KANK1: variants seen among roughly 807,000 people sequenced by gnomAD.
KANK1 encodes KN motif and ankyrin repeat domain-containing protein 1.
KANK1 carries 109 observed loss-of-function variants against 106.2 expected under a neutral mutation model. That is an observed-to-expected ratio of 1.03 (90% CI 0.88 to 1.20). KANK1 has a LOEUF of 1.20. Among genes scored for constraint, KANK1 ranks in the 50% most tolerant of loss-of-function variants. The pLI, the probability that KANK1 is intolerant of heterozygous loss-of-function variation, is 0.00. For synonymous variants in KANK1, 873 were observed against 652.2 expected (o/e 1.34, Z -5.16); for missense variants, 2,399 against 1,710.7 (o/e 1.40, Z -7.10).
At chr9:706,062 T>C (rs1824069392) in intron 2 of KANK1, among the ~76,000 whole-genome samples, 1 of 152,138 alleles carries the variant, frequency 6.6e-6, no homozygotes, top group South Asian at 2.1e-4. Context: ...GAAAACAGGA[T>C]ATTAAAAAAA....
At chr9:517,304 A>G (rs529187860) in intron 1 of KANK1, among the ~76,000 whole-genome samples, 3 of 151,668 alleles carry the variant, frequency 2.0e-5, no homozygotes, top group East Asian at 1.9e-4. Context: ...GGGTTTCACC[A>G]TGTTGGCCAG....
intron 1 of KANK1, among the ~76,000 whole-genome samples, chr9:646,772 C>G (rs1324045752): frequency 6.7e-6 from 1 of 149,966 alleles, no homozygotes; most frequent in African/African-American, 2.5e-5. Flanking sequence ...TCACTGCAAT[C>G]TCCGCCTCCC....
At chr9:606,161 AC>A (rs1829066127) in intron 1 of KANK1, among the ~76,000 whole-genome samples, 1 of 150,954 alleles carries the variant, frequency 6.6e-6, no homozygotes, top group African/African-American at 2.5e-5. Context: ...ACACACACAC[AC>A]ACACACACAC....
chr9:476,243 G>A (rs557145799), intron 3 of KANK1, among the ~76,000 whole-genome samples: 2 of 152,130 alleles, frequency 1.3e-5, no homozygotes, highest in African/African-American at 2.4e-5. Context: ...GTGTTAGGCC[G>A]GGCGTGGTGG....
At chr9:501,600 C>G (rs10815120), upstream of KANK1, among the ~76,000 whole-genome samples, 27,729 of 148,272 alleles carry the variant, frequency 0.19, 5,576 homozygotes, top group African/African-American at 0.52. Context: ...AGGTATTCGC[C>G]CACGCACAGA....
At chr9:732,260 G>C (rs1832506379) in intron 5 of KANK1, 118 bp from the exon 6 acceptor site, 1 of 1,239,378 alleles carries the variant, frequency 8.1e-7, no homozygotes, top group Non-Finnish European at 1.1e-6. Flanking sequence ...CTAAGTGCAG[G>C]ATCTAAAACC....
At chr9:661,695 A>G (rs71488145) in intron 1 of KANK1, among the ~76,000 whole-genome samples, 127,241 of 151,790 alleles carry the variant, frequency 0.84, 53,472 homozygotes, top group East Asian at 0.97. Flanking sequence ...TTGAGGAATC[A>G]CCACACTGTC....
At chr9:537,177 C>G (rs141785708) in intron 1 of KANK1, among the ~76,000 whole-genome samples, 1,796 of 152,248 alleles carry the variant, frequency 0.012, 24 homozygotes, top group Non-Finnish European at 0.016. Flanking sequence ...AACTCTTTTT[C>G]CTTTGAAAAC....
chr9:711,571 A>C lies in KANK1; in HGVS notation c.805A>C (p.Ile269Leu), dbSNP rs1246104864. 1 of 1,614,070 alleles carries C rather than the reference A, an allele frequency of 6.2e-7. No individual in the cohort carries two copies. The highest frequency in any genetic ancestry group is 8.5e-7 in the Non-Finnish European group (1 of 1,179,976). The change falls in exon 3 of 12, where the codon ATT (isoleucine) becomes CTT (leucine). Residue 269 changes from isoleucine to leucine, a missense_variant. By Grantham distance (5) the Ile-to-Leu change is conservative. Transcript: ENST00000382297. ...HLQHIREQMA[I>L]ALKRLKELEE... ...GCAGCACATCCGCGAGCAGATGGCCATTGCTCTGAAACGCCTGAAGGAGCT... is the reference window on the plus strand; with the variant it reads ...GCAGCACATCCGCGAGCAGATGGCCCTTGCTCTGAAACGCCTGAAGGAGCT...
chr9:539,261 A>G (rs1363249235), intron 1 of KANK1, among the ~76,000 whole-genome samples: 4 of 152,188 alleles, frequency 2.6e-5, no homozygotes, highest in Admixed American at 2.6e-4. Flanking sequence ...GTAGTTCCAT[A>G]CAATATTTTT....
At chr9:735,757 G>A in intron 7 of KANK1, 1 of 436,940 alleles carries the variant, frequency 2.3e-6, no homozygotes. Flanking sequence ...ACTTCGGGAG[G>A]CCGATGCAGG....
At chr9:598,596 T>A (rs1485103183) in intron 1 of KANK1, among the ~76,000 whole-genome samples, 1 of 149,968 alleles carries the variant, frequency 6.7e-6, no homozygotes, top group Non-Finnish European at 1.5e-5. Flanking sequence ...TTCCTAGGTT[T>A]TTTTGTTTTG....
At chr9:724,605 C>T (rs1012572314) in intron 3 of KANK1, among the ~76,000 whole-genome samples, 1 of 152,150 alleles carries the variant, frequency 6.6e-6, no homozygotes, top group East Asian at 1.9e-4. Flanking sequence ...AGTTCGTGAC[C>T]AGCCTAGCCA....
chr9:499,729 C>A (rs2058518303), upstream of KANK1, among the ~76,000 whole-genome samples: 1 of 152,162 alleles, frequency 6.6e-6, no homozygotes, highest in African/African-American at 2.4e-5. Flanking sequence ...TTGGTTAAAA[C>A]TGAGAATTAC....
upstream of KANK1, among the ~76,000 whole-genome samples, chr9:503,001 ATTTTTTT>A (rs35195436): frequency 0.014 from 953 of 70,256 alleles, 13 homozygotes; most frequent in African/African-American, 0.04. Flanking sequence ...CGCCCAGCTG[ATTTTTTT>A]TTTTTTTTTT....
At chr9:682,225 T>A (rs9299036) in intron 2 of KANK1, among the ~76,000 whole-genome samples, 44,955 of 150,542 alleles carry the variant, frequency 0.3, 7,109 homozygotes, top group East Asian at 0.56. Flanking sequence ...GGTTGCAGTG[T>A]CCCGACACAG....
At chr9:539,476 T>G (rs912929720) in intron 1 of KANK1, 3 of 152,170 alleles carry the variant, frequency 2.0e-5, no homozygotes, top group Non-Finnish European at 4.4e-5. Flanking sequence ...TTGGTTAAAT[T>G]TATTACTAAG....
chr9:592,996 A>G (rs1385699494), intron 1 of KANK1, among the ~76,000 whole-genome samples: 2 of 151,880 alleles, frequency 1.3e-5, no homozygotes, highest in Non-Finnish European at 2.9e-5. Context: ...CCTACCTTCT[A>G]AGAAGAAAGA....
intron 1 of KANK1, among the ~76,000 whole-genome samples, chr9:529,513 A>AG (rs928843587): frequency 5.1e-4 from 1 of 1,974 alleles, no homozygotes; most frequent in Non-Finnish European, 7.4e-4. Flanking sequence ...ACATATTTTT[A>AG]AAATGTGTGT....
Sources: allele counts gnomAD v4.1 joint callset (sites outside exome capture counted in the v4.1 genomes callset), GRCh38; gene constraint gnomAD v4.1.1; transcripts MANE v1.5; gene names NCBI Gene and HGNC (gene_info 2026-07-23, HGNC 2026-07-21).